The following LMNTD1 variants were observed in gnomAD, a reference collection of about 807,000 sequenced individuals.
LMNTD1 encodes the protein lamin tail domain-containing protein 1.
Under a neutral mutation model 50.9 loss-of-function variants are expected in LMNTD1, and 35 were observed. The observed-to-expected ratio is 0.69, with a 90% CI of 0.53 to 0.91. LMNTD1 has a LOEUF of 0.91. Ranked by LOEUF, LMNTD1 falls within the 40% of genes least tolerant of loss-of-function variation. The pLI is 0.00. For synonymous variants in LMNTD1, 153 were observed against 161.9 expected (o/e 0.94, Z 0.42); for missense variants, 470 against 475.5 (o/e 0.99, Z 0.11).
At chr12:25,497,211 C>T (rs1360534620) in intron 9 of LMNTD1, among the ~76,000 whole-genome samples, 2 of 152,070 alleles carry the variant, frequency 1.3e-5, no homozygotes, top group African/African-American at 2.4e-5. Flanking sequence ...CCTGGAAAAA[C>T]TCCAATCAGC....
At chr12:25,562,430 A>AAATTCT (rs1192025954) in intron 1 of LMNTD1, among the ~76,000 whole-genome samples, 1 of 152,220 alleles carries the variant, frequency 6.6e-6, no homozygotes, top group East Asian at 1.9e-4. Flanking sequence ...TCTGGGTTGC[A>AAATTCT]AATTCTTTCC....
rs36076563 is a variant in LMNTD1 at position 25,514,559 on chromosome 12, CAAA to C, written c.1189+4233_1189+4235del. On this transcript the variant is annotated intron_variant, in intron 8 of 9. Transcript: ENST00000458174. ...GGGAGGTAAGGATGGTTAATGGATA[CAAA>C]AAAAAAAAAGAAAGAATGAATAAGA... Among the ~76,000 whole-genome samples the C allele has an allele frequency of 3.0e-4, 44 of 145,988 alleles. 1 individual carries two copies. The highest frequency in any genetic ancestry group is 3.5e-3 in the Middle Eastern group (1 of 282).
At chr12:25,640,118 T>C (rs1946920849) in intron 1 of LMNTD1, among the ~76,000 whole-genome samples, 1 of 152,052 alleles carries the variant, frequency 6.6e-6, no homozygotes, top group Admixed American at 6.5e-5. Flanking sequence ...AGAAAAGAGA[T>C]TAGTAATTGC....
intron 9 of LMNTD1, among the ~76,000 whole-genome samples, chr12:25,481,886 C>CAT (rs1448246158): frequency 1.3e-5 from 2 of 150,600 alleles, no homozygotes; most frequent in African/African-American, 4.9e-5. Flanking sequence ...CACACACACA[C>CAT]ACACACACAC....
At chr12:25,635,525 G>A (rs1455453669) in intron 1 of LMNTD1, among the ~76,000 whole-genome samples, 1 of 152,114 alleles carries the variant, frequency 6.6e-6, no homozygotes, top group Non-Finnish European at 1.5e-5. Context: ...GCTCATGGAT[G>A]GATAGAATCA....
intron 1 of LMNTD1, among the ~76,000 whole-genome samples, chr12:25,597,176 A>G (rs1238448490): frequency 6.6e-6 from 1 of 152,098 alleles, no homozygotes; most frequent in East Asian, 1.9e-4. Context: ...CATAAAATGC[A>G]GAAGTCAGTT....
chr12:25,576,810 T>A (rs1177043438), intron 1 of LMNTD1, among the ~76,000 whole-genome samples: 5 of 152,072 alleles, frequency 3.3e-5, no homozygotes, highest in South Asian at 2.1e-4. Flanking sequence ...TTTTCTAGGG[T>A]TTTTATGGTT....
chr12:25,623,759 A>G (rs1312802067), intron 1 of LMNTD1, among the ~76,000 whole-genome samples: 3 of 152,020 alleles, frequency 2.0e-5, no homozygotes, highest in Non-Finnish European at 4.4e-5. Context: ...CCCATGGCCA[A>G]CAGATGCTAA....
chr12:25,514,357 A>C (rs1297936231), intron 8 of LMNTD1, among the ~76,000 whole-genome samples: 10 of 152,192 alleles, frequency 6.6e-5, no homozygotes. Flanking sequence ...ACAACTTCAA[A>C]TATATTAAAG....
At chr12:25,606,772 A>G (rs1946115970) in intron 1 of LMNTD1, among the ~76,000 whole-genome samples, 1 of 152,040 alleles carries the variant, frequency 6.6e-6, no homozygotes. Context: ...ATGTTCATCA[A>G]GGGTATTGGT....
chr12:25,507,716 C>T (rs1450005208), intron 8 of LMNTD1, among the ~76,000 whole-genome samples: 3 of 152,196 alleles, frequency 2.0e-5, no homozygotes, highest in Non-Finnish European at 4.4e-5. Flanking sequence ...ACACATAATC[C>T]TACTATTTGC....
chr12:25,558,822 A>G (rs1300098189), intron 1 of LMNTD1, among the ~76,000 whole-genome samples: 2 of 152,170 alleles, frequency 1.3e-5, no homozygotes, highest in Admixed American at 6.5e-5. Context: ...ACCCACCTCC[A>G]TGATTCAATT....
upstream of LMNTD1, among the ~76,000 whole-genome samples, chr12:25,555,965 C>CT (rs71065954): frequency 5.3e-3 from 369 of 69,474 alleles, 12 homozygotes; most frequent in African/African-American, 0.011. Flanking sequence ...GTGCAATAAT[C>CT]TTTTTTTTTT....
chr12:25,616,320 C>A (rs1946352718), intron 1 of LMNTD1, among the ~76,000 whole-genome samples: 1 of 151,952 alleles, frequency 6.6e-6, no homozygotes, highest in Admixed American at 6.6e-5. Flanking sequence ...TCATTTAATC[C>A]TTGCAATAAC....
In LMNTD1 at chr12:25,576,006, C is replaced by T. The variant is rs190100004; in HGVS notation, c.59-29452G>A. ...GTTTCCAGTTTCAACCATGTCCCTACAAAGGGCAGGAACTCATCCTTTTTT... is the reference window on the plus strand; with the variant it reads ...GTTTCCAGTTTCAACCATGTCCCTATAAAGGGCAGGAACTCATCCTTTTTT... On this transcript the variant is annotated intron_variant, in intron 1 of 7. Coordinates refer to the LMNTD1 transcript ENST00000445693. 3.6e-3 allele frequency among the ~76,000 whole-genome samples: 541 copies of T among 152,308 alleles called. 2 individuals are homozygous for T. The highest frequency in any genetic ancestry group is 0.012 in the African/African-American group (517 of 41,560).
At chr12:25,566,652 A>G (rs766120797) in intron 1 of LMNTD1, among the ~76,000 whole-genome samples, 9 of 152,248 alleles carry the variant, frequency 5.9e-5, no homozygotes, top group Admixed American at 5.9e-4. Context: ...GTAAAAACAC[A>G]GGCAGGGAGA....
At chr12:25,562,244 A>C (rs916321245) in intron 1 of LMNTD1, among the ~76,000 whole-genome samples, 1 of 152,152 alleles carries the variant, frequency 6.6e-6, no homozygotes, top group Non-Finnish European at 1.5e-5. Context: ...TGGTCTTTAC[A>C]ATTTGCCATG....
chr12:25,520,987 G>T (rs1004275837), intron 6 of LMNTD1, among the ~76,000 whole-genome samples: 16 of 152,138 alleles, frequency 1.1e-4, no homozygotes, highest in Admixed American at 2.6e-4. Context: ...TAATGTATCT[G>T]TTGGCCATTT....
chr12:25,614,217 G>T (rs1037730494), intron 1 of LMNTD1, among the ~76,000 whole-genome samples: 1 of 151,882 alleles, frequency 6.6e-6, no homozygotes, highest in Non-Finnish European at 1.5e-5. Context: ...AGCTTCCTAC[G>T]CATTTTTCTA....
Sources: allele counts gnomAD v4.1 joint callset (sites outside exome capture counted in the v4.1 genomes callset), GRCh38; gene constraint gnomAD v4.1.1; transcripts MANE v1.5; gene names NCBI Gene and HGNC (gene_info 2026-07-23, HGNC 2026-07-21).